Variants in DOCK1 observed in about 807,000 individuals in gnomAD.
DOCK1 encodes the protein dedicator of cytokinesis 1.
In DOCK1, 138 loss-of-function variants were observed where a neutral mutation model predicts 262.7. That is an observed-to-expected ratio of 0.53 (90% CI 0.46 to 0.61). The LOEUF (loss-of-function observed/expected upper bound fraction) is 0.61. DOCK1 is among the 20% of genes least tolerant of loss of function. The pLI, the probability that DOCK1 is intolerant of heterozygous loss-of-function variation, is 0.00. For synonymous variants in DOCK1, 866 were observed against 867.4 expected (o/e 1.00, Z 0.03); for missense variants, 1,908 against 2,370.7 (o/e 0.80, Z 4.05).
chr10:127,418,290 C>A, intron 44 of DOCK1, 75 bp from the exon 45 acceptor site: 2 of 1,424,164 alleles, frequency 1.4e-6, no homozygotes, highest in Non-Finnish European at 1.9e-6. Flanking sequence ...CCCCAGAGCA[C>A]GTGGCTCCTC....
chr10:127,276,452 A>C (rs2060744636), intron 29 of DOCK1, among the ~76,000 whole-genome samples: 1 of 152,132 alleles, frequency 6.6e-6, no homozygotes, highest in Non-Finnish European at 1.5e-5. Context: ...TGTCTTCCAG[A>C]ACTATCGGCT....
rs2037407855 is a variant in DOCK1 at position 126,963,614 on chromosome 10, C to T, written c.47-7088C>T. Among the ~76,000 whole-genome samples, 3 of 72,440 alleles carry T rather than the reference C, an allele frequency of 4.1e-5. 1 individual carries two copies. The highest frequency in any genetic ancestry group is 7.4e-5 in the Non-Finnish European group (3 of 40,744). 47.5% of individuals were successfully genotyped at this position (72,440 alleles called of 152,430 possible). On this transcript the variant is annotated intron_variant, in intron 1 of 51. Coordinates refer to ENST00000623213, the MANE Select transcript of DOCK1 (RefSeq NM_001290223.2). Reference sequence around the variant, plus strand: ...CCTTCCCTTCCCTTCCCTTCCCTTCCCTTCCCTTCCCTTCCCTTCCCTTCC... The same window carrying T: ...CCTTCCCTTCCCTTCCCTTCCCTTCTCTTCCCTTCCCTTCCCTTCCCTTCC...
intron 27 of DOCK1, among the ~76,000 whole-genome samples, chr10:127,226,292 C>T (rs1439682183): frequency 6.6e-6 from 1 of 152,080 alleles, no homozygotes; most frequent in East Asian, 1.9e-4. Context: ...CTCTACCCTA[C>T]CCTATCTACA....
intron 27 of DOCK1, among the ~76,000 whole-genome samples, chr10:127,170,130 G>A (rs1309320314): frequency 6.6e-6 from 1 of 152,078 alleles, no homozygotes; most frequent in African/African-American, 2.4e-5. Flanking sequence ...TGGGGTGGCA[G>A]GGATGATGGG....
intron 12 of DOCK1, chr10:127,016,153 CA>C (rs1005531865): frequency 1.3e-5 from 2 of 152,256 alleles, no homozygotes; most frequent in Admixed American, 1.3e-4. Flanking sequence ...AAACACCTGT[CA>C]GGGGAGGTCG....
At chr10:127,393,095 G>A (rs1024221959) in intron 38 of DOCK1, among the ~76,000 whole-genome samples, 10 of 152,332 alleles carry the variant, frequency 6.6e-5, no homozygotes, top group South Asian at 2.1e-4. Context: ...CGTCCTGAGC[G>A]TGTGCCCACA....
At position 127,248,125 on chromosome 10, in the gene DOCK1, AC is replaced by A. The variant is rs1554930054; in HGVS notation, c.2949+19del. ...TGATGTGGTAGTAAGTGTCCCTTTC[AC>A]CCTGTTCACATAACCATGTTTTAGG... On this transcript the variant is annotated intron_variant, in intron 28 of 51. Coordinates refer to ENST00000623213, the MANE Select transcript of DOCK1 (RefSeq NM_001290223.2). 1.2e-5 allele frequency: 19 copies of A among 1,608,922 alleles called. No individual in the cohort carries two copies. The highest frequency in any genetic ancestry group is 1.6e-5 in the Non-Finnish European group (19 of 1,175,848).
intron 48 of DOCK1, 78 bp downstream of exon 48, chr10:127,433,506 G>A: frequency 1.3e-6 from 2 of 1,501,362 alleles, no homozygotes; most frequent in Non-Finnish European, 1.8e-6. Flanking sequence ...AGGGCTCTGG[G>A]TTTATTTTCT....
rs1810395163 is a variant in DOCK1, at chr10:127,018,720, A to G, written c.1212A>G (p.Val404=). The G allele has an allele frequency of 5.0e-6, 8 of 1,614,064 alleles. No individual in the cohort carries two copies. The highest frequency in any genetic ancestry group is 6.8e-6 in the Non-Finnish European group (8 of 1,179,896). The change falls in exon 13 of 52, where the codon GTA becomes GTG. Residue 404 remains valine (V), a synonymous_variant. Coordinates refer to ENST00000623213, the MANE Select transcript of DOCK1 (RefSeq NM_001290223.2). ...CCATTGTTTTTCCAGGTTTGTGGGT[A>G]ACATTGAAATTACTTCCTGGAGATA... is the stretch of plus-strand genomic sequence containing the variant. ...EVNHKGQGLW[V]TLKLLPGDIH...
At position 127,378,628 on chromosome 10, in the gene DOCK1, G is replaced by A. The variant is rs559286217; in HGVS notation, c.3676-1454G>A. Among the ~76,000 whole-genome samples the A allele has an allele frequency of 3.3e-5, 5 of 152,248 alleles. No individual in the cohort carries two copies. In the South Asian group the frequency reaches 8.3e-4, roughly 25 times the overall value. ...TATCTCCGAGAGAGGAATGAAGGTC[G>A]CATGATATTCCCGTTGTGAAATTGT... On this transcript the variant is annotated intron_variant, in intron 35 of 51. Transcript: ENST00000623213.
intron 27 of DOCK1, among the ~76,000 whole-genome samples, chr10:127,209,828 G>A (rs1003880883): frequency 6.6e-5 from 10 of 152,192 alleles, no homozygotes. Context: ...GGTTATAAAT[G>A]CATGTGCTCA....
chr10:127,111,614 C>T (rs1419274303), intron 25 of DOCK1, among the ~76,000 whole-genome samples: 4 of 152,170 alleles, frequency 2.6e-5, no homozygotes, highest in African/African-American at 9.7e-5. Flanking sequence ...AGGTGATGGC[C>T]AGGCACCCTG....
chr10:127,248,474 G>C (rs986226738), intron 28 of DOCK1, among the ~76,000 whole-genome samples: 31 of 152,192 alleles, frequency 2.0e-4, no homozygotes, highest in Admixed American at 2.0e-3. Context: ...CTTTTTAATA[G>C]CAGAAGCCAG....
intron 38 of DOCK1, among the ~76,000 whole-genome samples, chr10:127,394,985 G>A (rs1006536739): frequency 6.6e-6 from 1 of 152,162 alleles, no homozygotes; most frequent in African/African-American, 2.4e-5. Flanking sequence ...TCACAGAGGT[G>A]GTTACATTTC....
At chr10:127,195,490 C>T (rs1053217543) in intron 27 of DOCK1, among the ~76,000 whole-genome samples, 1 of 152,150 alleles carries the variant, frequency 6.6e-6, no homozygotes, top group Non-Finnish European at 1.5e-5. Context: ...CTCTCCTCAA[C>T]GGCCGGCGTC....
At chr10:127,216,322 A>G in intron 27 of DOCK1, among the ~76,000 whole-genome samples, 1 of 151,976 alleles carries the variant, frequency 6.6e-6, no homozygotes, top group East Asian at 1.9e-4. Context: ...AAAAAAAAAA[A>G]AAAGAAAAAG....
chr10:127,373,709 C>A, intron 33 of DOCK1, 72 bp from the exon 34 acceptor site: 1 of 1,366,240 alleles, frequency 7.3e-7, no homozygotes, highest in Non-Finnish European at 1.0e-6. Context: ...GATTTATGTT[C>A]TATTGACACT....
intron 27 of DOCK1, among the ~76,000 whole-genome samples, chr10:127,159,854 G>A (rs993339855): frequency 3.0e-4 from 46 of 152,282 alleles, no homozygotes; most frequent in African/African-American, 1.1e-3. Flanking sequence ...CCATGGCCAC[G>A]TCCTGGGTGG....
At chr10:127,359,441 G>GT (rs577496816) in intron 32 of DOCK1, among the ~76,000 whole-genome samples, 181 of 152,260 alleles carry the variant, frequency 1.2e-3, no homozygotes, top group African/African-American at 4.1e-3. Flanking sequence ...ACTTTATGAC[G>GT]CTGAAATTGT....
Sources: allele counts gnomAD v4.1 joint callset (sites outside exome capture counted in the v4.1 genomes callset), GRCh38; gene constraint gnomAD v4.1.1; transcripts MANE v1.5; gene names NCBI Gene and HGNC (gene_info 2026-07-23, HGNC 2026-07-21).